Variants in CA1 observed in about 807,000 individuals in gnomAD.
The protein encoded by CA1 is carbonic anhydrase 1.
A neutral mutation model predicts 28.8 loss-of-function variants in CA1; 27 were observed. The ratio of observed to expected loss-of-function variants is 0.94; its 90% CI spans 0.69 to 1.29. The LOEUF (loss-of-function observed/expected upper bound fraction) is 1.29. Ranked by LOEUF, CA1 falls within the 50% of genes most tolerant of loss-of-function variation. CA1 has a pLI of 0.00. For missense variants in CA1, 335 were observed against 310.5 expected, an observed-to-expected ratio of 1.08 and a Z score of -0.59; for synonymous variants, 121 against 108.8, an observed-to-expected ratio of 1.11 and a Z score of -0.70.
At chr8:85,363,648 G>T (rs1809888722) in intron 1 of CA1, among the ~76,000 whole-genome samples, 1 of 152,118 alleles carries the variant, frequency 6.6e-6, no homozygotes, top group South Asian at 2.1e-4. Flanking sequence ...AACCCCTCTG[G>T]TGTTCTTTCC....
intron 1 of CA1, among the ~76,000 whole-genome samples, chr8:85,364,924 G>A (rs968567153): frequency 6.6e-6 from 1 of 152,208 alleles, no homozygotes; most frequent in Non-Finnish European, 1.5e-5. Flanking sequence ...GAGGGTGGGT[G>A]TGGGTGCTCA....
intron 1 of CA1, among the ~76,000 whole-genome samples, chr8:85,377,556 G>A (rs1366127879): frequency 6.6e-6 from 1 of 152,212 alleles, no homozygotes; most frequent in Non-Finnish European, 1.5e-5. Context: ...TCTAGTCCCA[G>A]CACTTTGGGA....
chr8:85,331,392 A>T (rs1339772704), intron 6 of CA1, among the ~76,000 whole-genome samples: 1 of 151,712 alleles, frequency 6.6e-6, no homozygotes, highest in Admixed American at 6.6e-5. Flanking sequence ...CAAAGAATCA[A>T]CTTTTCAATT....
At chr8:85,375,116 A>G (rs1360648680) in intron 1 of CA1, among the ~76,000 whole-genome samples, 1 of 152,216 alleles carries the variant, frequency 6.6e-6, no homozygotes, top group Non-Finnish European at 1.5e-5. Flanking sequence ...TCAAGCAATG[A>G]ATGGTCTTAC....
chr8:85,357,457 C>A (rs117234570), intron 1 of CA1, among the ~76,000 whole-genome samples: 416 of 152,042 alleles, frequency 2.7e-3, no homozygotes, highest in South Asian at 8.5e-3. Context: ...AGGATTGTGG[C>A]GAGGGTTAAT....
chr8:85,367,655 T>C (rs146426768), intron 1 of CA1, among the ~76,000 whole-genome samples: 14 of 152,298 alleles, frequency 9.2e-5, no homozygotes, highest in African/African-American at 3.1e-4. Flanking sequence ...AGCTGAGAAT[T>C]TGCATTTCTA....
chr8:85,365,952 A>G (rs1025394612), intron 1 of CA1, among the ~76,000 whole-genome samples: 3 of 152,168 alleles, frequency 2.0e-5, no homozygotes, highest in Admixed American at 6.5e-5. Context: ...TAAGGAACTC[A>G]GAACCCTTGG....
intron 1 of CA1, among the ~76,000 whole-genome samples, chr8:85,355,549 CT>C (rs11353842): frequency 0.11 from 12,475 of 108,754 alleles, 465 homozygotes; most frequent in African/African-American, 0.14. Context: ...TGTCTAGTTC[CT>C]TTTTTTTTTT....
intron 1 of CA1, among the ~76,000 whole-genome samples, chr8:85,366,165 C>CTTT (rs11395706): frequency 5.5e-5 from 7 of 128,268 alleles, no homozygotes; most frequent in South Asian, 2.5e-4. Context: ...CTTTCTTCCC[C>CTTT]TTTTTTTTTT....
At chr8:85,371,138 A>G (rs1585970803) in intron 1 of CA1, among the ~76,000 whole-genome samples, 1 of 151,968 alleles carries the variant, frequency 6.6e-6, no homozygotes, top group East Asian at 1.9e-4. Flanking sequence ...TACCCTGCCA[A>G]CTCCAATGAC....
At chr8:85,349,993 A>G (rs562492894) in intron 1 of CA1, 50 of 152,340 alleles carry the variant, frequency 3.3e-4, no homozygotes, top group Non-Finnish European at 5.7e-4. Context: ...CAAGGTTTGA[A>G]TGGAAATCCT....
In CA1 at chr8:85,338,283, A is replaced by G. The variant is rs1327347248; in HGVS notation, c.204T>C (p.His68=). 1.2e-6 allele frequency: 2 copies of G among 1,613,882 alleles called. No individual in the cohort carries two copies. Among genetic ancestry groups the G allele is most frequent in the Non-Finnish European group, 1.7e-6 (2 of 1,179,890 alleles). ...KEIINVGHSF[H]VNFEDNDNRS... ...GGTTATCGTTGTCCTCAAAATTTAC[A>G]TGGAAGGAATGCCCCACATTGATAA... Residue 68 remains histidine, a synonymous_variant, in exon 3 of 8, where the codon CAT becomes CAC. Coordinates refer to ENST00000523022, the MANE Select transcript of CA1 (RefSeq NM_001128831.4).
chr8:85,329,944 G>T (rs1323112432), intron 6 of CA1, 100 bp from the exon 7 acceptor site: 6 of 1,029,424 alleles, frequency 5.8e-6, no homozygotes, highest in Non-Finnish European at 7.3e-6. Flanking sequence ...ATTATTTAGA[G>T]ATTTTAGCTA....
chr8:85,370,266 T>C (rs544391372), intron 1 of CA1, among the ~76,000 whole-genome samples: 84 of 152,302 alleles, frequency 5.5e-4, no homozygotes, highest in South Asian at 2.9e-3. Context: ...CTATCTCAGA[T>C]TGGCAGGAAA....
chr8:85,328,714 A>C lies in CA1; in HGVS notation c.670-38T>G. On this transcript the variant is annotated intron_variant, in intron 7 of 7. Coordinates refer to ENST00000523022, the MANE Select transcript of CA1 (RefSeq NM_001128831.4). ...AATATTTTAAAAATAAAAAGTTTTT[A>C]AAGTTACATAAAGCGTTTTATTTAC... 1.5e-6 allele frequency: 2 copies of C among 1,291,558 alleles called. 1 individual carries two copies. The allele number at this position is 1,291,558 out of a possible 1,614,324, so 80.0% of individuals were successfully genotyped here. A position where few individuals can be genotyped will look rare whatever the true frequency, so the allele number is the denominator to read the frequency against.
chr8:85,330,824 A>G lies in CA1; in HGVS notation c.514-980T>C, dbSNP rs555199602. On this transcript the variant is annotated intron_variant, in intron 6 of 7. Transcript: ENST00000523022. Reference sequence around the variant, plus strand: ...GATAAACTCTACTAGTTCAGAAACTACTCTTTTAAAACACTGTTGAATTTG... The same window carrying G: ...GATAAACTCTACTAGTTCAGAAACTGCTCTTTTAAAACACTGTTGAATTTG... Among the ~76,000 whole-genome samples the G allele has an allele frequency of 5.3e-5, 8 of 152,176 alleles. 1 individual carries two copies. Among genetic ancestry groups the G allele is most frequent in the Non-Finnish European group, 1.2e-4 (8 of 67,978 alleles).
At chr8:85,373,282 G>A (rs1810298045) in intron 1 of CA1, among the ~76,000 whole-genome samples, 1 of 152,204 alleles carries the variant, frequency 6.6e-6, no homozygotes, top group African/African-American at 2.4e-5. Flanking sequence ...GCACCAGAAA[G>A]CACTGAGCAT....
chr8:85,328,778 GA>G, intron 7 of CA1, 102 bp from the exon 8 acceptor site: 1 of 666,562 alleles, frequency 1.5e-6, no homozygotes, highest in Non-Finnish European at 2.6e-6. Flanking sequence ...AACTGAGTTA[GA>G]AATTGCAGTA....
At chr8:85,350,925 A>T (rs931852308) in intron 1 of CA1, among the ~76,000 whole-genome samples, 23 of 152,128 alleles carry the variant, frequency 1.5e-4, no homozygotes, top group Non-Finnish European at 3.4e-4. Flanking sequence ...GGTGCTTGCT[A>T]GCCAGGGTTC....
Sources: gnomAD v4.1 joint callset for allele counts (sites outside exome capture counted in the v4.1 genomes callset) on GRCh38, gnomAD v4.1.1 for gene constraint, MANE v1.5 for transcripts, NCBI Gene and HGNC (gene_info 2026-07-23, HGNC 2026-07-21) for gene names.